The following EVL variants were observed in gnomAD, a reference collection of about 807,000 sequenced individuals.
The protein encoded by EVL is Enah/Vasp-like.
EVL carries 21 observed loss-of-function variants against 59.6 expected under a neutral mutation model. That is an observed-to-expected ratio of 0.35 (90% CI 0.25 to 0.51). The LOEUF is 0.51. Among genes scored for constraint, EVL ranks in the 20% least tolerant of loss-of-function variants. EVL has a pLI of 0.97. For missense variants in EVL, 462 were observed against 546.6 expected, an observed-to-expected ratio of 0.85 and a Z score of 1.54; for synonymous variants, 198 against 203.5, an observed-to-expected ratio of 0.97 and a Z score of 0.23.
exon 1 of EVL, chr14:99,971,966 C>T (rs1396408069): frequency 2.1e-5 from 3 of 145,110 alleles, no homozygotes; most frequent in South Asian, 1.8e-4. Flanking sequence ...CCGGCTCCCC[C>T]GCTAGCGCCC....
chr14:100,125,223 G>GAC (rs113347883), intron 4 of EVL, among the ~76,000 whole-genome samples: 1 of 41,040 alleles, frequency 2.4e-5, no homozygotes, highest in Admixed American at 2.5e-4. Flanking sequence ...CACACACACA[G>GAC]ACACACACAC....
At chr14:100,110,038 A>C (rs78249908) in intron 3 of EVL, among the ~76,000 whole-genome samples, 1 of 152,344 alleles carries the variant, frequency 6.6e-6, no homozygotes, top group African/African-American at 2.4e-5. Flanking sequence ...CTAAATTACT[A>C]TAACAGTTTG....
At chr14:100,087,908 G>A (rs150273516) in intron 2 of EVL, among the ~76,000 whole-genome samples, 4 of 152,282 alleles carry the variant, frequency 2.6e-5, no homozygotes, top group Non-Finnish European at 5.9e-5. Flanking sequence ...ATAATATGGG[G>A]AACAATCGAA....
chr14:100,039,828 G>A (rs768684630), intron 1 of EVL, among the ~76,000 whole-genome samples: 10 of 152,030 alleles, frequency 6.6e-5, no homozygotes, highest in Admixed American at 3.3e-4. Flanking sequence ...CTCTGTTACC[G>A]AGGTTGGAAT....
At chr14:100,099,331 C>T (rs1886041551) in intron 3 of EVL, among the ~76,000 whole-genome samples, 1 of 152,066 alleles carries the variant, frequency 6.6e-6, no homozygotes, top group African/African-American at 2.4e-5. Context: ...TCCAAGAGTT[C>T]GAGTCCAGCC....
chr14:100,055,741 C>T (rs928673796), intron 1 of EVL, among the ~76,000 whole-genome samples: 6 of 152,190 alleles, frequency 3.9e-5, no homozygotes, highest in South Asian at 2.1e-4. Flanking sequence ...ACTTAGATAT[C>T]GTAATCAGTG....
intron 3 of EVL, among the ~76,000 whole-genome samples, chr14:100,104,515 C>G (rs138600113): frequency 6.6e-6 from 1 of 152,324 alleles, no homozygotes; most frequent in East Asian, 1.9e-4. Flanking sequence ...TGAGACAATT[C>G]TAAGGAATAA....
chr14:100,047,514 G>C (rs12431406), intron 1 of EVL, among the ~76,000 whole-genome samples: 21,402 of 151,948 alleles, frequency 0.14, 2,345 homozygotes, highest in African/African-American at 0.3. Flanking sequence ...CATTGCTCCG[G>C]GACAGACAGC....
At chr14:99,985,543 G>A (rs955427846) in intron 1 of EVL, among the ~76,000 whole-genome samples, 13 of 151,944 alleles carry the variant, frequency 8.6e-5, no homozygotes, top group Admixed American at 4.6e-4. Flanking sequence ...TCAGGTGGGC[G>A]GATCACCTGA....
chr14:100,125,432 C>T (rs1407460660), intron 4 of EVL, among the ~76,000 whole-genome samples: 1 of 152,230 alleles, frequency 6.6e-6, no homozygotes, highest in African/African-American at 2.4e-5. Flanking sequence ...CACACATCCT[C>T]ATTTTACCAT....
chr14:100,045,551 T>C (rs1049363489), intron 1 of EVL, among the ~76,000 whole-genome samples: 1 of 152,152 alleles, frequency 6.6e-6, no homozygotes, highest in Non-Finnish European at 1.5e-5. Context: ...TCAGTCTCAT[T>C]TGATCCCTGC....
chr14:100,063,183 C>T (rs894717877), upstream of EVL, among the ~76,000 whole-genome samples: 6 of 152,136 alleles, frequency 3.9e-5, no homozygotes, highest in African/African-American at 7.2e-5. Context: ...TGAGATGGAG[C>T]GGTTATCTTG....
chr14:100,111,182 G>A (rs1459902759), intron 3 of EVL, among the ~76,000 whole-genome samples: 1 of 120,156 alleles, frequency 8.3e-6, no homozygotes, highest in Non-Finnish European at 1.6e-5. Flanking sequence ...TTGTGATAGA[G>A]TCTAGCTCTT....
intron 12 of EVL, among the ~76,000 whole-genome samples, chr14:100,141,502 G>A (rs1013876560): frequency 1.8e-4 from 28 of 152,344 alleles, no homozygotes; most frequent in Non-Finnish European, 2.6e-4. Context: ...TTTCTGCCCC[G>A]AGGAAGCCCT....
At chr14:100,102,348 A>G (rs1886275126) in intron 3 of EVL, 1 of 455,892 alleles carries the variant, frequency 2.2e-6, no homozygotes. Context: ...ATTTCCTTCC[A>G]CAAATGAATG....
chr14:100,000,513 C>T (rs570744708), intron 1 of EVL, among the ~76,000 whole-genome samples: 3 of 151,860 alleles, frequency 2.0e-5, no homozygotes, highest in African/African-American at 7.2e-5. Flanking sequence ...ATGCCCGGCT[C>T]ATTTCTTGTA....
intron 1 of EVL, among the ~76,000 whole-genome samples, chr14:100,033,947 C>T (rs1051092501): frequency 1.3e-5 from 2 of 152,018 alleles, no homozygotes; most frequent in African/African-American, 4.8e-5. Flanking sequence ...AACTGTAGGC[C>T]GGGCATGGTG....
upstream of EVL, among the ~76,000 whole-genome samples, chr14:100,061,922 G>C (rs2061841559): frequency 6.6e-6 from 1 of 151,940 alleles, no homozygotes; most frequent in Non-Finnish European, 1.5e-5. Flanking sequence ...AAGAGGAAAA[G>C]GAGGGGTTGG....
chr14:100,091,363 C>T (rs896488671), intron 2 of EVL, among the ~76,000 whole-genome samples: 1 of 151,136 alleles, frequency 6.6e-6, no homozygotes, highest in Admixed American at 6.6e-5. Context: ...CGAGGAGAAT[C>T]TGAATCAACA....
Sources: allele counts gnomAD v4.1 joint callset (sites outside exome capture counted in the v4.1 genomes callset), GRCh38; gene constraint gnomAD v4.1.1; transcripts MANE v1.5; gene names NCBI Gene and HGNC (gene_info 2026-07-23, HGNC 2026-07-21).